The following SUPT3H variants were observed in gnomAD, a reference collection of about 807,000 sequenced individuals.
SUPT3H encodes the protein transcription initiation protein SPT3 homolog.
Under a neutral mutation model 44.3 loss-of-function variants are expected in SUPT3H, and 44 were observed. That is an observed-to-expected ratio of 0.99 (90% CI 0.78 to 1.28). The LOEUF is 1.28. Ranked by LOEUF, SUPT3H falls within the 50% of genes most tolerant of loss-of-function variation. The pLI is 0.00. For missense variants in SUPT3H, 380 were observed against 387.1 expected (o/e 0.98, Z 0.15); for synonymous variants, 124 against 125.6 (o/e 0.99, Z 0.09).
At chr6:44,817,441 C>T (rs933166543) in intron 11 of SUPT3H, among the ~76,000 whole-genome samples, 1 of 151,992 alleles carries the variant, frequency 6.6e-6, no homozygotes, top group Non-Finnish European at 1.5e-5. Context: ...CCATTTTTAC[C>T]ACTCCTATTC....
At chr6:44,995,145 A>G (rs928441536) in intron 6 of SUPT3H, among the ~76,000 whole-genome samples, 1 of 142,080 alleles carries the variant, frequency 7.0e-6, no homozygotes, top group Non-Finnish European at 1.6e-5. Context: ...AACTCAAACT[A>G]TAGCTGAATA....
intron 2 of SUPT3H, among the ~76,000 whole-genome samples, chr6:45,258,572 G>A (rs929378052): frequency 2.6e-5 from 4 of 152,212 alleles, no homozygotes; most frequent in Non-Finnish European, 4.4e-5. Flanking sequence ...CTTCCATTGC[G>A]CTAGTGTTAT....
intron 9 of SUPT3H, among the ~76,000 whole-genome samples, chr6:44,945,087 T>C (rs1773125947): frequency 6.6e-6 from 1 of 152,166 alleles, no homozygotes; most frequent in Non-Finnish European, 1.5e-5. Flanking sequence ...TTTCAAATAT[T>C]TTCATTATTA....
At chr6:45,178,212 G>C (rs929613909) in intron 2 of SUPT3H, among the ~76,000 whole-genome samples, 1 of 152,100 alleles carries the variant, frequency 6.6e-6, no homozygotes, top group African/African-American at 2.4e-5. Flanking sequence ...TCAAATAAAA[G>C]GATAGAGGAA....
chr6:44,826,291 G>T (rs936764370), downstream of SUPT3H, among the ~76,000 whole-genome samples: 3 of 152,146 alleles, frequency 2.0e-5, no homozygotes, highest in African/African-American at 4.8e-5. Flanking sequence ...AGAGTTCCCT[G>T]CTCTCTTCTC....
intron 5 of SUPT3H, among the ~76,000 whole-genome samples, chr6:45,005,294 C>G (rs1327224236): frequency 1.3e-5 from 2 of 152,068 alleles, no homozygotes; most frequent in African/African-American, 2.4e-5. Flanking sequence ...TGTTAATTGT[C>G]TAGTTTTATC....
intron 10 of SUPT3H, among the ~76,000 whole-genome samples, chr6:44,890,168 A>C (rs1009172672): frequency 6.6e-6 from 1 of 150,674 alleles, no homozygotes; most frequent in Admixed American, 6.6e-5. Flanking sequence ...GTGGGACTGT[A>C]AACTGGTTCA....
chr6:45,120,666 G>A (rs1304547210), intron 2 of SUPT3H, among the ~76,000 whole-genome samples: 1 of 151,974 alleles, frequency 6.6e-6, no homozygotes, highest in Non-Finnish European at 1.5e-5. Flanking sequence ...TCTATTAAAA[G>A]GCTGAACAAA....
chr6:45,125,007 A>G (rs377513047), intron 2 of SUPT3H, among the ~76,000 whole-genome samples: 1 of 152,186 alleles, frequency 6.6e-6, no homozygotes, highest in Non-Finnish European at 1.5e-5. Context: ...AAAAGCCACG[A>G]AACACCAAGG....
intron 2 of SUPT3H, among the ~76,000 whole-genome samples, chr6:45,166,745 A>C (rs1809944034): frequency 2.0e-5 from 3 of 152,230 alleles, no homozygotes; most frequent in Non-Finnish European, 4.4e-5. Context: ...AAATGAAGAT[A>C]TCTGAATGGC....
intron 2 of SUPT3H, among the ~76,000 whole-genome samples, chr6:45,221,052 G>A (rs1765957415): frequency 6.6e-6 from 1 of 152,126 alleles, no homozygotes; most frequent in Non-Finnish European, 1.5e-5. Context: ...CATAAAAAAT[G>A]ATGAGTTCAT....
intron 2 of SUPT3H, among the ~76,000 whole-genome samples, chr6:45,129,325 A>C (rs1048799248): frequency 1.1e-4 from 17 of 152,230 alleles, no homozygotes; most frequent in African/African-American, 4.1e-4. Context: ...TTGGTGGATA[A>C]AGAAGTTTTC....
Position 45,084,384 on chromosome 6 carries a change from GA to G in SUPT3H, c.186+21537del, listed in dbSNP as rs775477867. ...AACATACAAGCTACCAACAACATAT[GA>G]AAAAAATTTCCATATCATTCGTCAT... On this transcript the variant is annotated intron_variant, in intron 3 of 10. Coordinates refer to ENST00000371459, the MANE Select transcript of SUPT3H (RefSeq NM_003599.4). Among the ~76,000 whole-genome samples the G allele has an allele frequency of 3.9e-5, 6 of 151,946 alleles. No individual in the cohort carries two copies. The East Asian group carries it at 5.8e-4, about 15-fold the overall frequency.
At chr6:45,185,384 C>G (rs1285516581) in intron 2 of SUPT3H, among the ~76,000 whole-genome samples, 2 of 152,162 alleles carry the variant, frequency 1.3e-5, no homozygotes, top group Non-Finnish European at 2.9e-5. Flanking sequence ...GAAGCTGGGT[C>G]TCCATACCTA....
In SUPT3H at chr6:45,093,534, A is replaced by G. The variant is rs183142846; in HGVS notation, c.186+12388T>C. ...AAAGGAACTGGAAAGAGGAAGTTTT[A>G]AACAATCTCTTAGTTCAGATACAGA... On this transcript the variant is annotated intron_variant, in intron 3 of 10. Coordinates refer to ENST00000371459, the MANE Select transcript of SUPT3H (RefSeq NM_003599.4). Among the ~76,000 whole-genome samples, 325 of 152,298 alleles carry G rather than the reference A, an allele frequency of 2.1e-3. 1 individual carries two copies. The highest frequency in any genetic ancestry group is 7.5e-3 in the African/African-American group (311 of 41,580).
rs16872910 is a variant in SUPT3H at position 44,952,531 on chromosome 6, C to T, written c.801+779G>A. On this transcript the variant is annotated intron_variant, in intron 9 of 10. Transcript: ENST00000371459. The stretch of plus-strand genomic sequence containing the variant: ...ATATTTCAACCAACTTGATCCAAAA[C>T]GTACTTCACAACTCTACATGTAGAT... Among the ~76,000 whole-genome samples, 597 of 152,312 alleles carry T rather than the reference C, an allele frequency of 3.9e-3. 7 individuals are homozygous for T. The highest frequency in any genetic ancestry group is 0.014 in the African/African-American group (568 of 41,562).
At chr6:44,990,864 T>G (rs1267218144) in intron 6 of SUPT3H, among the ~76,000 whole-genome samples, 2 of 147,888 alleles carry the variant, frequency 1.4e-5, no homozygotes, top group African/African-American at 2.5e-5. Flanking sequence ...TTAAAATAAA[T>G]TTATTATTTT....
chr6:44,962,176 C>T (rs1056624174), intron 6 of SUPT3H, among the ~76,000 whole-genome samples: 1 of 152,150 alleles, frequency 6.6e-6, no homozygotes, highest in African/African-American at 2.4e-5. Context: ...ATATTATTGT[C>T]AATCTGCTTT....
chr6:44,829,488 G>C lies in SUPT3H; in HGVS notation c.*328C>G, dbSNP rs1581855147. The stretch of plus-strand genomic sequence containing the variant: ...ATAAAATGCAGACAAAACGCTGGAC[G>C]GGGGCAACCACTGCTTTTAAGGTAT... On this transcript the variant is annotated 3_prime_UTR_variant, in exon 11 of 11. Transcript: ENST00000371459. The C allele has an allele frequency of 1.5e-5, 3 of 202,036 alleles. No homozygotes were observed. Among genetic ancestry groups the C allele is most frequent in the Non-Finnish European group, 3.0e-5 (3 of 100,928 alleles). 12.5% of individuals were successfully genotyped at this position (202,036 alleles called of 1,614,324 possible).
Sources: allele counts gnomAD v4.1 joint callset (sites outside exome capture counted in the v4.1 genomes callset), GRCh38; gene constraint gnomAD v4.1.1; transcripts MANE v1.5; gene names NCBI Gene and HGNC (gene_info 2026-07-23, HGNC 2026-07-21).